Variants in TTC12 observed in about 807,000 individuals in gnomAD.
The protein encoded by TTC12 is tetratricopeptide repeat protein 12.
In TTC12, 70 loss-of-function variants were observed where a neutral mutation model predicts 90.1. The ratio of observed to expected loss-of-function variants is 0.78; its 90% confidence interval spans 0.64 to 0.95. TTC12 has a LOEUF of 0.95. Among genes scored for constraint, TTC12 ranks in the 40% least tolerant of loss-of-function variants. The probability of loss-of-function intolerance (pLI) is 0.00; values close to 1 mark genes in which losing one functional copy is unlikely to be tolerated. For missense variants in TTC12, 819 were observed against 846.1 expected (o/e 0.97, Z 0.40); for synonymous variants, 296 against 311.5 (o/e 0.95, Z 0.53).
chr11:113,340,765 A>G, intron 11 of TTC12, 32 bp downstream of exon 11: 1 of 1,562,872 alleles, frequency 6.4e-7, no homozygotes, highest in Non-Finnish European at 8.8e-7. Flanking sequence ...GCCCAGCAGC[A>G]AAGCAAGGGA....
intron 3 of TTC12, among the ~76,000 whole-genome samples, 156 bp downstream of exon 3, chr11:113,323,607 T>C (rs1947489646): frequency 6.6e-6 from 1 of 151,544 alleles, no homozygotes; most frequent in Admixed American, 6.6e-5. Flanking sequence ...ATTTTTTTTT[T>C]CCTTTGATCT....
chr11:113,351,108 GT>G (rs1431608176), intron 14 of TTC12, 130 bp from the exon 15 acceptor site: 1 of 710,476 alleles, frequency 1.4e-6, no homozygotes, highest in Non-Finnish European at 2.2e-6. Flanking sequence ...TCTTTTTTTG[GT>G]TCTGAATTGT....
intron 16 of TTC12, among the ~76,000 whole-genome samples, chr11:113,356,176 C>A (rs1323311918): frequency 6.6e-6 from 1 of 152,244 alleles, no homozygotes; most frequent in Admixed American, 6.5e-5. Context: ...GAACTGAACC[C>A]TTTACCAATA....
At chr11:113,340,957 C>T (rs1287856450) in intron 11 of TTC12, among the ~76,000 whole-genome samples, 2 of 152,172 alleles carry the variant, frequency 1.3e-5, no homozygotes, top group Non-Finnish European at 2.9e-5. Flanking sequence ...AGGCTGGGCG[C>T]GGTGGCTCAT....
chr11:113,348,077 C>A (rs1430116362), intron 13 of TTC12, among the ~76,000 whole-genome samples: 18 of 152,228 alleles, frequency 1.2e-4, no homozygotes, highest in Admixed American at 9.8e-4. Context: ...CCATCCATGG[C>A]TTTCGTCAAG....
Position 113,344,417 on chromosome 11 carries a change from C to T in TTC12, c.1131C>T (p.Ile377=), listed in dbSNP as rs1428907201. 7 of 1,613,908 alleles carry T rather than the reference C, an allele frequency of 4.3e-6. No homozygotes were observed. In the African/African-American group the frequency reaches 6.7e-5, roughly 15 times the overall value. ...AGACTGAGAGCGGACGGAGCCTGATCATCAACCACCTTGACCTGACCAGGT... is the reference window on the plus strand; with the variant it reads ...AGACTGAGAGCGGACGGAGCCTGATTATCAACCACCTTGACCTGACCAGGT... ...LAQTESGRSL[I]INHLDLTRLL... is the part of the protein sequence containing the mutation. The change falls in exon 13 of 22, where the codon ATC becomes ATT. Residue 377 remains isoleucine, a synonymous_variant. Transcript: ENST00000529221.
chr11:113,364,249 C>T (rs558836746), intron 20 of TTC12: 30 of 280,950 alleles, frequency 1.1e-4, no homozygotes, highest in Non-Finnish European at 1.8e-4. Context: ...ACACCGTCAA[C>T]GTTTAGTGAA....
Position 113,356,760 on chromosome 11 carries a change from C to G in TTC12, c.1447-2603C>G, listed in dbSNP as rs1949658003. Reference sequence around the variant, plus strand: ...ATGATGTTGAATATTGGCCTCCAGTCTCTTCTGGGTTGTAGAGTTTCTGCT... The same window carrying G: ...ATGATGTTGAATATTGGCCTCCAGTGTCTTCTGGGTTGTAGAGTTTCTGCT... On this transcript the variant is annotated intron_variant, in intron 16 of 21. Transcript: ENST00000529221. 5.3e-5 allele frequency among the ~76,000 whole-genome samples: 8 copies of G among 152,282 alleles called. 1 individual carries two copies. The highest frequency in any genetic ancestry group is 3.4e-3 in the Middle Eastern group (1 of 294).
intron 12 of TTC12, 88 bp from the exon 13 acceptor site, chr11:113,344,184 T>G: frequency 3.6e-6 from 5 of 1,390,474 alleles, no homozygotes; most frequent in Non-Finnish European, 4.9e-6. Flanking sequence ...TGGGCACCAG[T>G]TGAGTTTCCC....
chr11:113,349,010 C>T (rs1208832848), intron 13 of TTC12, among the ~76,000 whole-genome samples: 2 of 152,228 alleles, frequency 1.3e-5, no homozygotes, highest in African/African-American at 2.4e-5. Flanking sequence ...CCCTGTGGGC[C>T]CGACACTGGC....
At chr11:113,362,732 A>G (rs1297457512) in intron 19 of TTC12, among the ~76,000 whole-genome samples, 1 of 152,228 alleles carries the variant, frequency 6.6e-6, no homozygotes, top group Non-Finnish European at 1.5e-5. Context: ...AGATACATCT[A>G]TAAAACCTGC....
At chr11:113,321,950 A>T (rs938178074) in intron 2 of TTC12, among the ~76,000 whole-genome samples, 4 of 152,198 alleles carry the variant, frequency 2.6e-5, no homozygotes, top group Admixed American at 2.0e-4. Flanking sequence ...TGACATAGAT[A>T]ATTGTAAACT....
chr11:113,339,547 C>G, intron 10 of TTC12, 73 bp downstream of exon 10: 1 of 1,359,484 alleles, frequency 7.4e-7, no homozygotes, highest in South Asian at 1.4e-5. Context: ...CTGCCTTTAC[C>G]AGGCCAAGAA....
intron 13 of TTC12, among the ~76,000 whole-genome samples, chr11:113,348,757 G>GT (rs1555148988): frequency 6.6e-6 from 1 of 152,204 alleles, no homozygotes; most frequent in Non-Finnish European, 1.5e-5. Context: ...ATCTGTCCCA[G>GT]AGACCCCCAC....
At chr11:113,329,102 G>GCA (rs1408530215) in intron 6 of TTC12, among the ~76,000 whole-genome samples, 1 of 152,144 alleles carries the variant, frequency 6.6e-6, no homozygotes, top group Non-Finnish European at 1.5e-5. Flanking sequence ...TCATGTGTAA[G>GCA]CATTTGTATG....
At chr11:113,359,534 C>T in intron 17 of TTC12, 73 bp downstream of exon 17, 1 of 1,029,500 alleles carries the variant, frequency 9.7e-7, no homozygotes, top group Middle Eastern at 2.4e-4. Flanking sequence ...AAACCATTCT[C>T]ATGTTCACGA....
Position 113,328,504 on chromosome 11 carries a change from A to G in TTC12, c.445-1416A>G, listed in dbSNP as rs139092528. 2.7e-4 allele frequency among the ~76,000 whole-genome samples: 41 copies of G among 152,216 alleles called. 1 individual carries two copies. In the East Asian group the frequency reaches 7.7e-3, roughly 29 times the overall value. ...TAAAAGAGTGCCCCAGGCATTTGAT[A>G]CTAAGGCTTCATGGTGATGCTCTGA... is the stretch of plus-strand genomic sequence containing the variant. On this transcript the variant is annotated intron_variant, in intron 6 of 21. Transcript: ENST00000529221.
chr11:113,340,884 C>G, intron 11 of TTC12, 151 bp downstream of exon 11: 1 of 649,392 alleles, frequency 1.5e-6, no homozygotes, highest in Non-Finnish European at 2.7e-6. Context: ...TGCAAAGCTA[C>G]TCCACGAACA....
rs537076076 is a variant in TTC12 at position 113,340,784 on chromosome 11, A to G, written c.896+51A>G. On this transcript the variant is annotated intron_variant, in intron 11 of 21. Coordinates refer to ENST00000529221, the MANE Select transcript of TTC12 (RefSeq NM_017868.4). ...AGCAGCAAAGCAAGGGAAGATAACC[A>G]CTGCTTATGAAATCAGACACGAGGC... The G allele has an allele frequency of 2.8e-6, 4 of 1,442,978 alleles. No individual in the cohort carries two copies. The East Asian group carries it at 9.1e-5, about 33-fold the overall frequency. The allele number at this position is 1,442,978 out of a possible 1,614,324, so 89.4% of individuals were successfully genotyped here.
Sources: allele counts gnomAD v4.1 joint callset (sites outside exome capture counted in the v4.1 genomes callset), GRCh38; gene constraint gnomAD v4.1.1; transcripts MANE v1.5; gene names NCBI Gene and HGNC (gene_info 2026-07-23, HGNC 2026-07-21).